Variants in EPHB2 observed in about 807,000 individuals in gnomAD.
EPHB2 encodes the protein ephrin type-B receptor 2.
In EPHB2, 18 loss-of-function variants were observed where a neutral mutation model predicts 96.4. The ratio of observed to expected loss-of-function variants is 0.19; its 90% CI spans 0.13 to 0.28. EPHB2 has a LOEUF of 0.28. Among genes scored for constraint, EPHB2 ranks in the 10% least tolerant of loss-of-function variants. The pLI, the probability that EPHB2 is intolerant of heterozygous loss-of-function variation, is 1.00. For missense variants in EPHB2, 989 were observed against 1,355.4 expected (o/e 0.73, Z 4.25); for synonymous variants, 506 against 534.1 (o/e 0.95, Z 0.72).
chr1:22,859,682 A>G lies in EPHB2; in HGVS notation c.812-3355A>G, dbSNP rs375829308. Among the ~76,000 whole-genome samples the G allele has an allele frequency of 3.3e-4, 50 of 152,070 alleles. No individual in the cohort carries two copies. In the East Asian group the frequency reaches 8.6e-3, roughly 26 times the overall value. ...GTGGCACGCGCCTGTAGTCCCAGCTACTCGGGAGGCTGAGGCAGGAGAATC... is the reference window on the plus strand; with the variant it reads ...GTGGCACGCGCCTGTAGTCCCAGCTGCTCGGGAGGCTGAGGCAGGAGAATC... On this transcript the variant is annotated intron_variant, in intron 3 of 15. Transcript: ENST00000374630.
chr1:22,871,749 G>A (rs1638674461), intron 5 of EPHB2, among the ~76,000 whole-genome samples: 1 of 152,224 alleles, frequency 6.6e-6, no homozygotes, highest in African/African-American at 2.4e-5. Flanking sequence ...CGGGTGCAGT[G>A]GCTCATGCCT....
rs2124103632 is a variant in EPHB2, at chr1:22,906,649, A to G, written c.1889-61A>G. ...CCCGTGAGTGGACATGACAGGGAAC[A>G]GGAAGGTGGCCCTTCCACCTGGCAA... On this transcript the variant is annotated intron_variant, in intron 10 of 15. Coordinates refer to ENST00000374630, the MANE Select transcript of EPHB2 (RefSeq NM_017449.5). The surrounding 1 kb of genome is among the most constrained non-coding windows in gnomAD (Gnocchi z 4.8). 1 of 1,611,278 alleles carries G rather than the reference A, an allele frequency of 6.2e-7. No homozygotes were observed. Among genetic ancestry groups the G allele is most frequent in the African/African-American group, 1.3e-5 (1 of 75,032 alleles).
rs1328670848 is a variant in EPHB2, at chr1:22,914,580, T to C, written c.*1010T>C. On this transcript the variant is annotated 3_prime_UTR_variant, in exon 16 of 16. Transcript: ENST00000374630. ...TTTTAATGACAATGAAGTGACACTT[T>C]GACATTTCCTACCTTTTGAGGACTT... 1.3e-5 allele frequency: 2 copies of C among 152,594 alleles called. No homozygotes were observed. Among genetic ancestry groups the C allele is most frequent in the African/African-American group, 4.8e-5 (2 of 41,446 alleles). The allele number at this position is 152,594 out of a possible 1,614,324, so 9.5% of individuals were successfully genotyped here. A position where few individuals can be genotyped will look rare whatever the true frequency, so the allele number is the denominator to read the frequency against.
Position 22,909,187 on chromosome 1 carries a change from G to T in EPHB2, c.2502+16G>T. 1 of 1,614,184 alleles carries T rather than the reference G, an allele frequency of 6.2e-7. No individual in the cohort carries two copies. The highest frequency in any genetic ancestry group is 8.5e-7 in the Non-Finnish European group (1 of 1,180,008). On this transcript the variant is annotated intron_variant, in intron 13 of 15. Transcript: ENST00000374630. ...CAACCAGGATGTAAGTCTCCAAGGGGATAGGCAAGGCCTCTCTGGCCCACC... is the reference window on the plus strand; with the variant it reads ...CAACCAGGATGTAAGTCTCCAAGGGTATAGGCAAGGCCTCTCTGGCCCACC...
At chr1:22,771,974 C>T (rs1390646722) in intron 1 of EPHB2, among the ~76,000 whole-genome samples, 1 of 152,064 alleles carries the variant, frequency 6.6e-6, no homozygotes, top group Non-Finnish European at 1.5e-5. Context: ...GTCATGGGAA[C>T]TAAAGGAGCA....
intron 13 of EPHB2, 100 bp from the exon 14 acceptor site, chr1:22,910,282 A>G: frequency 6.7e-7 from 1 of 1,485,456 alleles, no homozygotes; most frequent in Non-Finnish European, 9.3e-7. Flanking sequence ...GCAACTAAAT[A>G]GGTCAGACGT....
intron 1 of EPHB2, among the ~76,000 whole-genome samples, chr1:22,754,040 G>A (rs1005629850): frequency 6.6e-6 from 1 of 152,256 alleles, no homozygotes; most frequent in South Asian, 2.1e-4. Flanking sequence ...ATCCCCTGGG[G>A]TTCCAGGCCG....
intron 1 of EPHB2, among the ~76,000 whole-genome samples, chr1:22,758,212 C>G (rs1644183143): frequency 6.6e-6 from 1 of 151,642 alleles, no homozygotes; most frequent in African/African-American, 2.4e-5. Context: ...GCCACCGCGC[C>G]CGGCCTAAGT....
At chr1:22,777,099 G>A (rs561132409) in intron 1 of EPHB2, among the ~76,000 whole-genome samples, 5 of 152,318 alleles carry the variant, frequency 3.3e-5, no homozygotes, top group South Asian at 2.1e-4. Context: ...GACCTGAGTC[G>A]AGACTTCACA....
intron 9 of EPHB2, among the ~76,000 whole-genome samples, chr1:22,897,723 G>C (rs1373080359): frequency 6.6e-6 from 1 of 152,090 alleles, no homozygotes; most frequent in Non-Finnish European, 1.5e-5. Context: ...GGAAGCAGAG[G>C]TTGCAGTGAG....
chr1:22,910,491 C>T lies in EPHB2; in HGVS notation c.2612C>T (p.Pro871Leu), dbSNP rs763557854. The T allele has an allele frequency of 3.1e-6, 5 of 1,614,202 alleles. No homozygotes were observed. The South Asian group carries it at 4.4e-5, about 14-fold the overall frequency. ...TGGCAGAAGGACCGCAACCACCGGC[C>T]CAAGTTCGGCCAAATTGTCAACACG... ...DCWQKDRNHR[P>L]KFGQIVNTLD... Residue 871 changes from proline to leucine, a missense_variant, in exon 14 of 16, where the codon CCC (proline) becomes CTC (leucine). Pro to Leu is a moderately conservative substitution (Grantham distance 98, BLOSUM62 -3). Coordinates refer to ENST00000374630, the MANE Select transcript of EPHB2 (RefSeq NM_017449.5).
At chr1:22,753,550 G>A (rs576330963) in intron 1 of EPHB2, among the ~76,000 whole-genome samples, 4 of 152,192 alleles carry the variant, frequency 2.6e-5, no homozygotes, top group South Asian at 2.1e-4. Context: ...CCCATGAGCC[G>A]AGTCGGAAGG....
chr1:22,872,368 C>G (rs1390216508), intron 5 of EPHB2, among the ~76,000 whole-genome samples: 2 of 152,190 alleles, frequency 1.3e-5, no homozygotes, highest in Non-Finnish European at 1.5e-5. Context: ...TTCAAGCTAC[C>G]TGGATAATCT....
intron 1 of EPHB2, among the ~76,000 whole-genome samples, chr1:22,735,438 C>CA (rs71878649): frequency 0.39 from 53,817 of 137,892 alleles, 10,183 homozygotes; most frequent in South Asian, 0.56. Flanking sequence ...GACCCGGTAT[C>CA]AAAAAAAAAA....
At chr1:22,737,662 T>C (rs1643861265) in intron 1 of EPHB2, among the ~76,000 whole-genome samples, 1 of 152,196 alleles carries the variant, frequency 6.6e-6, no homozygotes, top group South Asian at 2.1e-4. Flanking sequence ...TGGCTAATTT[T>C]GTCTACATCA....
chr1:22,803,970 C>A (rs1644887949), intron 3 of EPHB2, among the ~76,000 whole-genome samples: 1 of 152,036 alleles, frequency 6.6e-6, no homozygotes, highest in Non-Finnish European at 1.5e-5. Flanking sequence ...GTGCCACAAG[C>A]CAACCTTAGA....
At position 22,784,110 on chromosome 1, in the gene EPHB2, G is replaced by T. The variant is rs1372142507; in HGVS notation, c.127-282G>T. Among the ~76,000 whole-genome samples the T allele has an allele frequency of 5.3e-5, 8 of 152,166 alleles. No individual in the cohort carries two copies. The highest frequency in any genetic ancestry group is 1.4e-4 in the African/African-American group (6 of 41,440). On this transcript the variant is annotated intron_variant, in intron 2 of 15. Transcript: ENST00000374630. This position sits in a 1 kb window ranked among gnomAD's most constrained non-coding sequence, Gnocchi z 5.1. ...GGGTTCTCCCTATTTTCCCCTTCCAGGTGGGAACTTCCTGGCCAGGGTCCC... is the reference window on the plus strand; with the variant it reads ...GGGTTCTCCCTATTTTCCCCTTCCATGTGGGAACTTCCTGGCCAGGGTCCC...
intron 9 of EPHB2, among the ~76,000 whole-genome samples, chr1:22,904,737 A>G (rs1639854937): frequency 6.6e-6 from 1 of 152,208 alleles, no homozygotes; most frequent in South Asian, 2.1e-4. Flanking sequence ...TTGTGTTCCA[A>G]TAATACTTTA....
intron 9 of EPHB2, among the ~76,000 whole-genome samples, chr1:22,897,508 C>A (rs1287568065): frequency 2.6e-5 from 4 of 152,142 alleles, no homozygotes; most frequent in African/African-American, 9.7e-5. Context: ...GGTCATAAGG[C>A]CAGGCACAGT....
Sources: gnomAD v4.1 joint callset for allele counts (sites outside exome capture counted in the v4.1 genomes callset) on GRCh38, gnomAD v4.1.1 for gene constraint, Gnocchi (gnomAD v3.1) non-coding constraint, MANE v1.5 for transcripts, NCBI Gene and HGNC (gene_info 2026-07-23, HGNC 2026-07-21) for gene names.